Variants in DNAJC11 observed in about 807,000 individuals in gnomAD.
DNAJC11 encodes the protein dnaJ homolog subfamily C member 11.
A neutral mutation model predicts 78.6 loss-of-function variants in DNAJC11; 15 were observed. The observed-to-expected ratio is 0.19, with a 90% CI of 0.13 to 0.29. The LOEUF (loss-of-function observed/expected upper bound fraction) is 0.29. DNAJC11 is among the 10% of genes least tolerant of loss of function. The pLI is 1.00. For missense variants in DNAJC11, 547 were observed against 709.6 expected, an observed-to-expected ratio of 0.77 and a Z score of 2.60; for synonymous variants, 292 against 272.1, an observed-to-expected ratio of 1.07 and a Z score of -0.72.
In DNAJC11 at chr1:6,680,167, A is replaced by G. The variant is rs1642530632; in HGVS notation, c.202+741T>C. On this transcript the variant is annotated intron_variant, in intron 2 of 15. Transcript: ENST00000377577. The surrounding 1 kb of genome is among the most constrained non-coding windows in gnomAD (Gnocchi z 4.0). Reference sequence around the variant, plus strand: ...ATAACTTATTGTAGTTGATGTATATAACAGTGATTTAACATTTTTTTTAAT... The same window carrying G: ...ATAACTTATTGTAGTTGATGTATATGACAGTGATTTAACATTTTTTTTAAT... Among the ~76,000 whole-genome samples, 1 of 152,258 alleles carries G rather than the reference A, an allele frequency of 6.6e-6. No homozygotes were observed. The highest frequency in any genetic ancestry group is 2.4e-5 in the African/African-American group (1 of 41,478).
At chr1:6,666,380 CTTTTCTTTTTTT>C (rs774176581) in intron 4 of DNAJC11, among the ~76,000 whole-genome samples, 309 of 103,270 alleles carry the variant, frequency 3.0e-3, no homozygotes, top group Non-Finnish European at 5.6e-3. Flanking sequence ...TTTTTTCTTT[CTTTTCTTTTTTT>C]TTTTTTTTTT....
At chr1:6,651,954 C>T (rs1219624830) in intron 6 of DNAJC11, among the ~76,000 whole-genome samples, 3 of 151,788 alleles carry the variant, frequency 2.0e-5, no homozygotes, top group Non-Finnish European at 2.9e-5. Context: ...TGCAGAGCAC[C>T]GACTGCGGTC....
At chr1:6,678,798 G>A (rs1483375359) in intron 2 of DNAJC11, among the ~76,000 whole-genome samples, 1 of 152,150 alleles carries the variant, frequency 6.6e-6, no homozygotes, top group Non-Finnish European at 1.5e-5. Context: ...GATTACAGGT[G>A]TGTGCCACCA....
chr1:6,691,827 ATATGCTG>A (rs1343754762), intron 1 of DNAJC11, among the ~76,000 whole-genome samples: 1 of 152,274 alleles, frequency 6.6e-6, no homozygotes, highest in Non-Finnish European at 1.5e-5. Context: ...TGTACCAGGC[ATATGCTG>A]TAACAGTGGT....
intron 4 of DNAJC11, among the ~76,000 whole-genome samples, chr1:6,656,759 G>C (rs1570280588): frequency 6.6e-6 from 1 of 150,432 alleles, no homozygotes; most frequent in South Asian, 2.1e-4. Context: ...GTTTAGCTGG[G>C]AGTGGTGGTA....
At chr1:6,668,832 A>G (rs907612385) in intron 3 of DNAJC11, among the ~76,000 whole-genome samples, 5 of 152,142 alleles carry the variant, frequency 3.3e-5, no homozygotes, top group African/African-American at 1.2e-4. Flanking sequence ...AACAATACTC[A>G]GGTACCACAC....
chr1:6,685,492 T>A (rs1188908213), intron 1 of DNAJC11, among the ~76,000 whole-genome samples: 2 of 152,208 alleles, frequency 1.3e-5, no homozygotes, highest in Non-Finnish European at 2.9e-5. Context: ...GGTGGCCTTT[T>A]GCTGACTAGA....
chr1:6,655,849 A>G (rs886356762), intron 4 of DNAJC11, among the ~76,000 whole-genome samples: 2 of 151,982 alleles, frequency 1.3e-5, no homozygotes, highest in Non-Finnish European at 2.9e-5. Flanking sequence ...CATGCCTGTA[A>G]TCCCAGCACT....
At position 6,637,845 on chromosome 1, in the gene DNAJC11, G is replaced by A; in HGVS notation, c.1324-341C>T. On this transcript the variant is annotated intron_variant, in intron 12 of 15. Transcript: ENST00000377577. ...GCGTTGTCAGCTTTAAAAATAAAGAGATTTCACAGGAGAAGCTGGAATCCC... is the reference window on the plus strand; with the variant it reads ...GCGTTGTCAGCTTTAAAAATAAAGAAATTTCACAGGAGAAGCTGGAATCCC... The A allele has an allele frequency of 1.6e-5, 7 of 434,736 alleles. 1 individual carries two copies. The South Asian group carries it at 1.9e-4, about 12-fold the overall frequency. 26.9% of individuals were successfully genotyped at this position (434,736 alleles called of 1,614,324 possible).
At chr1:6,646,012 T>C in intron 7 of DNAJC11, 34 bp from the exon 8 acceptor site, 1 of 1,601,300 alleles carries the variant, frequency 6.2e-7, no homozygotes, top group Non-Finnish European at 8.6e-7. Flanking sequence ...AGGTCCTGGA[T>C]AGCACCTGCT....
chr1:6,644,106 G>A (rs1024610362), intron 10 of DNAJC11, among the ~76,000 whole-genome samples: 3 of 151,124 alleles, frequency 2.0e-5, no homozygotes, highest in African/African-American at 4.9e-5. Flanking sequence ...TCCTGACCTC[G>A]TGATCCACGG....
At chr1:6,682,338 T>C (rs931856433) in intron 1 of DNAJC11, among the ~76,000 whole-genome samples, 4 of 152,146 alleles carry the variant, frequency 2.6e-5, no homozygotes, top group African/African-American at 9.7e-5. Context: ...ATTAAGTTAT[T>C]CAGATGCTAG....
At chr1:6,654,947 C>T (rs566513332) in intron 4 of DNAJC11, among the ~76,000 whole-genome samples, 4 of 152,178 alleles carry the variant, frequency 2.6e-5, no homozygotes, top group East Asian at 1.9e-4. Context: ...TACAGGCGCA[C>T]GCCACCATGC....
intron 4 of DNAJC11, among the ~76,000 whole-genome samples, chr1:6,665,945 T>C (rs1642287564): frequency 6.6e-6 from 1 of 152,140 alleles, no homozygotes; most frequent in Non-Finnish European, 1.5e-5. Context: ...GCAGGAACCA[T>C]GAGCACAGCT....
At chr1:6,692,698 C>A (rs1642764745) in intron 1 of DNAJC11, among the ~76,000 whole-genome samples, 1 of 149,262 alleles carries the variant, frequency 6.7e-6, no homozygotes, top group East Asian at 2.0e-4. Flanking sequence ...GCAGCCTCTG[C>A]CTCCCGGGTT....
intron 3 of DNAJC11, chr1:6,668,278 AG>A (rs1467679357): frequency 2.0e-5 from 3 of 153,448 alleles, no homozygotes; most frequent in African/African-American, 7.2e-5. Flanking sequence ...CTGGGACTAC[AG>A]GCGCCCGCCA....
Position 6,645,721 on chromosome 1 carries a change from A to C in DNAJC11, c.894+68T>G, listed in dbSNP as rs757251611. 5 of 1,556,114 alleles carry C rather than the reference A, an allele frequency of 3.2e-6. No individual in the cohort carries two copies. The highest frequency in any genetic ancestry group is 4.4e-6 in the Non-Finnish European group (5 of 1,135,842). On this transcript the variant is annotated intron_variant, in intron 8 of 15. Coordinates refer to ENST00000377577, the MANE Select transcript of DNAJC11 (RefSeq NM_018198.4). This position sits in a 1 kb window ranked among gnomAD's most constrained non-coding sequence, Gnocchi z 4.1. The stretch of plus-strand genomic sequence containing the variant: ...TCAGGACGCAGGATTTAAGGGGAGC[A>C]CTGAGTGCTTGGGAGGAGGGGTCCT...
At chr1:6,662,262 C>T (rs975538010) in intron 4 of DNAJC11, among the ~76,000 whole-genome samples, 2 of 151,428 alleles carry the variant, frequency 1.3e-5, no homozygotes, top group South Asian at 2.1e-4. Flanking sequence ...GGCGCGATCT[C>T]GGCTCACTGC....
chr1:6,639,760 A>G, intron 11 of DNAJC11, 142 bp downstream of exon 11: 1 of 816,438 alleles, frequency 1.2e-6, no homozygotes, highest in African/African-American at 1.8e-5. Flanking sequence ...CCCAGACATC[A>G]GCCTAAGTGC....
Sources: gnomAD v4.1 joint callset for allele counts (sites outside exome capture counted in the v4.1 genomes callset) on GRCh38, gnomAD v4.1.1 for gene constraint, Gnocchi (gnomAD v3.1) non-coding constraint, MANE v1.5 for transcripts, NCBI Gene and HGNC (gene_info 2026-07-23, HGNC 2026-07-21) for gene names.